PRKG1: variants seen among roughly 807,000 people sequenced by gnomAD.
The protein encoded by PRKG1 is cGMP-dependent protein kinase 1.
A neutral mutation model predicts 88.1 loss-of-function variants in PRKG1; 35 were observed. The ratio of observed to expected loss-of-function variants is 0.40; its 90% CI spans 0.30 to 0.53. The LOEUF (loss-of-function observed/expected upper bound fraction) is 0.53, where lower values mean the gene tolerates loss of function less well. Ranked by LOEUF, PRKG1 falls within the 20% of genes least tolerant of loss-of-function variation. The probability of loss-of-function intolerance (pLI) is 0.59; values close to 1 mark genes in which losing one functional copy is unlikely to be tolerated. For synonymous variants in PRKG1, 303 were observed against 292.5 expected (o/e 1.04, Z -0.37); for missense variants, 540 against 839.8 (o/e 0.64, Z 4.41).
intron 7 of PRKG1, among the ~76,000 whole-genome samples, chr10:52,083,911 G>A (rs896391731): frequency 1.2e-4 from 18 of 151,956 alleles, no homozygotes; most frequent in African/African-American, 3.4e-4. Context: ...GTACTAAAAC[G>A]AAATCTTTTG....
chr10:52,252,366 A>C (rs186869067), intron 10 of PRKG1: 2 of 152,164 alleles, frequency 1.3e-5, no homozygotes, highest in East Asian at 1.9e-4. Flanking sequence ...TAAAACTGAC[A>C]TAGTGTCACA....
At chr10:51,152,664 C>CT (rs1350261241) in intron 1 of PRKG1, among the ~76,000 whole-genome samples, 2 of 151,878 alleles carry the variant, frequency 1.3e-5, no homozygotes, top group African/African-American at 4.8e-5. Context: ...AGCATTAAGT[C>CT]TAGCAGAAGA....
intron 5 of PRKG1, among the ~76,000 whole-genome samples, chr10:52,012,436 G>T (rs918634692): frequency 2.6e-4 from 39 of 152,118 alleles, no homozygotes; most frequent in African/African-American, 8.9e-4. Flanking sequence ...TAGAGACAGG[G>T]TTTCACCGTG....
At position 52,025,090 on chromosome 10, in the gene PRKG1, G is replaced by C. The variant is rs529539878; in HGVS notation, c.763-29394G>C. ...TTTCTCTGATGACCAGTGATGATGA[G>C]CATTTTTTCATGTGTCTGTTGGCTG... On this transcript the variant is annotated intron_variant, in intron 5 of 17. Coordinates refer to ENST00000373980, the MANE Select transcript of PRKG1 (RefSeq NM_006258.4). Among the ~76,000 whole-genome samples the C allele has an allele frequency of 1.3e-4, 20 of 152,272 alleles. No individual in the cohort carries two copies. In the East Asian group the frequency reaches 2.3e-3, roughly 18 times the overall value.
chr10:51,825,876 T>C (rs1839869615), intron 4 of PRKG1, among the ~76,000 whole-genome samples: 2 of 152,102 alleles, frequency 1.3e-5, no homozygotes, highest in Admixed American at 1.3e-4. Context: ...AATCTCCAGA[T>C]TGAAGTTCCC....
At chr10:52,076,126 G>A (rs947510914) in intron 7 of PRKG1, among the ~76,000 whole-genome samples, 1 of 152,088 alleles carries the variant, frequency 6.6e-6, no homozygotes, top group African/African-American at 2.4e-5. Flanking sequence ...TACCTTGCAC[G>A]ACATACAAAA....
intron 2 of PRKG1, among the ~76,000 whole-genome samples, chr10:51,170,327 A>T (rs1274232597): frequency 6.6e-6 from 1 of 152,054 alleles, no homozygotes; most frequent in Non-Finnish European, 1.5e-5. Context: ...CCCATGATTT[A>T]TGGCTTTCAG....
intron 2 of PRKG1, among the ~76,000 whole-genome samples, chr10:51,271,257 T>C (rs905716717): frequency 1.3e-5 from 2 of 150,594 alleles, no homozygotes; most frequent in African/African-American, 5.0e-5. Flanking sequence ...AGAAGAAATA[T>C]GATTTTTTTT....
In PRKG1 at chr10:51,352,147, C is replaced by G. The variant is rs140708688; in HGVS notation, c.479-115576C>G. 1.2e-3 allele frequency among the ~76,000 whole-genome samples: 186 copies of G among 152,146 alleles called. 1 individual carries two copies. Among genetic ancestry groups the G allele is most frequent in the African/African-American group, 4.3e-3 (177 of 41,508 alleles). On this transcript the variant is annotated intron_variant, in intron 2 of 17. Transcript: ENST00000373980. ...TACCATGCTGTTTTGATTACTGTAG[C>G]CCTGTAGTATAGTTTGAAGTCAGGT...
intron 3 of PRKG1, among the ~76,000 whole-genome samples, chr10:51,728,457 T>TCTTTG: frequency 1.1e-5 from 1 of 88,486 alleles, no homozygotes; most frequent in African/African-American, 4.8e-5. Context: ...TTCTTTGTTT[T>TCTTTG]TTTTTTTTTT....
chr10:51,910,844 G>A (rs1467916074), intron 5 of PRKG1: 1 of 152,252 alleles, frequency 6.6e-6, no homozygotes, highest in African/African-American at 2.4e-5. Flanking sequence ...GATGGGCAAT[G>A]GCCAGTGAGA....
At chr10:51,701,922 C>T (rs1398551793) in intron 3 of PRKG1, among the ~76,000 whole-genome samples, 1 of 152,126 alleles carries the variant, frequency 6.6e-6, no homozygotes, top group Non-Finnish European at 1.5e-5. Flanking sequence ...GGAGAATTTG[C>T]ATTTCTAATA....
intron 8 of PRKG1, among the ~76,000 whole-genome samples, chr10:52,136,905 C>T (rs1837439360): frequency 6.6e-6 from 1 of 152,028 alleles, no homozygotes; most frequent in Admixed American, 6.6e-5. Flanking sequence ...CAGCTTGAGT[C>T]TAAGAATTCA....
chr10:52,279,913 A>C (rs1172749261), intron 12 of PRKG1, among the ~76,000 whole-genome samples: 4 of 152,134 alleles, frequency 2.6e-5, no homozygotes, highest in Non-Finnish European at 5.9e-5. Context: ...TACCATGAAA[A>C]AAAAAAAGAA....
chr10:51,113,331 G>A (rs74131750), intron 1 of PRKG1, among the ~76,000 whole-genome samples: 5,420 of 152,182 alleles, frequency 0.036, 251 homozygotes, highest in African/African-American at 0.11. Flanking sequence ...ATATTTTTAT[G>A]CCTTTCTGTT....
intron 3 of PRKG1, among the ~76,000 whole-genome samples, chr10:51,700,548 T>C (rs780564068): frequency 5.9e-5 from 9 of 152,124 alleles, no homozygotes; most frequent in Non-Finnish European, 1.3e-4. Context: ...GCTTTGCAGG[T>C]AGGAGTTAAA....
In PRKG1 at chr10:51,535,183, C is replaced by G. The variant is rs145190557; in HGVS notation, c.592+67347C>G. Among the ~76,000 whole-genome samples, 314 of 152,150 alleles carry G rather than the reference C, an allele frequency of 2.1e-3. 4 individuals are homozygous for G. The highest frequency in any genetic ancestry group is 0.013 in the East Asian group (66 of 5,174). On this transcript the variant is annotated intron_variant, in intron 3 of 17. Coordinates refer to ENST00000373980, the MANE Select transcript of PRKG1 (RefSeq NM_006258.4). ...AAGTCAGTATACTGATACAATTGGT[C>G]TTTTATGGATAGGTAATATTATGTG...
intron 9 of PRKG1, among the ~76,000 whole-genome samples, chr10:52,179,375 A>G (rs1200378022): frequency 6.6e-6 from 1 of 152,134 alleles, no homozygotes; most frequent in African/African-American, 2.4e-5. Context: ...ATTAGCTGAC[A>G]GGTCCCCTCT....
At chr10:52,202,377 G>T (rs1466178271) in intron 9 of PRKG1, among the ~76,000 whole-genome samples, 1 of 152,048 alleles carries the variant, frequency 6.6e-6, no homozygotes, top group Non-Finnish European at 1.5e-5. Context: ...AACTATCCTT[G>T]CATCCCCGTG....
Sources: allele counts gnomAD v4.1 joint callset (sites outside exome capture counted in the v4.1 genomes callset), GRCh38; gene constraint gnomAD v4.1.1; transcripts MANE v1.5; gene names NCBI Gene and HGNC (gene_info 2026-07-23, HGNC 2026-07-21).